Variants in ZNF83 observed in about 807,000 individuals in gnomAD.
ZNF83 encodes the protein zinc finger protein 816B.
For synonymous variants in ZNF83, 209 were observed against 213.0 expected (o/e 0.98, Z 0.17); for missense variants, 552 against 629.9 (o/e 0.88, Z 1.32).
At chr19:52,644,008 C>T (rs960844652) in intron 3 of ZNF83, among the ~76,000 whole-genome samples, 10 of 152,084 alleles carry the variant, frequency 6.6e-5, no homozygotes, top group African/African-American at 2.2e-4. Context: ...GGCTGTGGAG[C>T]CACAGTGAGG....
chr19:52,655,776 G>T, intron 2 of ZNF83: 1 of 636,668 alleles, frequency 1.6e-6, no homozygotes. Flanking sequence ...GTATTGATTT[G>T]ATCCAAGACG....
At chr19:52,687,616 G>GTATATATATATATAATATATATATATA (rs2062062340) in intron 1 of ZNF83, among the ~76,000 whole-genome samples, 1 of 15,822 alleles carries the variant, frequency 6.3e-5, no homozygotes, top group Admixed American at 6.9e-4. Flanking sequence ...TATATAATGT[G>GTATATATATATATAATATATATATATA]TATATATATA....
chr19:52,653,818 T>C (rs2061473701), intron 3 of ZNF83, among the ~76,000 whole-genome samples: 1 of 152,238 alleles, frequency 6.6e-6, no homozygotes, highest in South Asian at 2.1e-4. Flanking sequence ...ATCACATTTA[T>C]ATTGTTTCTC....
At chr19:52,634,534 TCTGTGTATGAA>T (rs746617667) in intron 2 of ZNF83, among the ~76,000 whole-genome samples, 53 of 152,314 alleles carry the variant, frequency 3.5e-4, no homozygotes, top group Non-Finnish European at 6.5e-4. Context: ...ATCATGCATG[TCTGTGTATGAA>T]CTTTCCATTC....
intron 1 of ZNF83, chr19:52,636,433 A>G (rs955884290): frequency 1.3e-5 from 2 of 152,210 alleles, no homozygotes; most frequent in South Asian, 2.1e-4. Flanking sequence ...TCACAAGTGA[A>G]TAAGTCACTC....
chr19:52,642,621 T>G (rs865830280), upstream of ZNF83, among the ~76,000 whole-genome samples: 7 of 152,310 alleles, frequency 4.6e-5, no homozygotes, highest in African/African-American at 1.7e-4. Context: ...TCTCTTTGGC[T>G]TAGTAATTTT....
upstream of ZNF83, among the ~76,000 whole-genome samples, chr19:52,638,800 C>G (rs1489790017): frequency 2.0e-5 from 3 of 152,262 alleles, no homozygotes; most frequent in East Asian, 5.8e-4. Context: ...GTGCTCAGGC[C>G]AAGGATGGGT....
At chr19:52,665,351 C>A (rs2147291935) in intron 1 of ZNF83, among the ~76,000 whole-genome samples, 1 of 152,126 alleles carries the variant, frequency 6.6e-6, no homozygotes, top group African/African-American at 2.4e-5. Flanking sequence ...GAAGTCCAGG[C>A]CAGCCTGGGC....
intron 2 of ZNF83, among the ~76,000 whole-genome samples, chr19:52,624,103 C>T (rs899057689): frequency 6.6e-6 from 1 of 152,046 alleles, no homozygotes; most frequent in Non-Finnish European, 1.5e-5. Context: ...GCAAGGCTTC[C>T]GGGATAGCCC....
intron 1 of ZNF83, among the ~76,000 whole-genome samples, chr19:52,674,453 C>T (rs1006880190): frequency 6.6e-6 from 1 of 152,130 alleles, no homozygotes; most frequent in Non-Finnish European, 1.5e-5. Flanking sequence ...AGAAATCAAA[C>T]TCATCCAAAT....
At chr19:52,622,900 T>TA (rs1402407309) in intron 2 of ZNF83, among the ~76,000 whole-genome samples, 1 of 152,224 alleles carries the variant, frequency 6.6e-6, no homozygotes, top group Non-Finnish European at 1.5e-5. Flanking sequence ...ATTTCTGAGT[T>TA]ACAATTACTT....
intron 2 of ZNF83, among the ~76,000 whole-genome samples, chr19:52,615,185 A>G (rs991378946): frequency 6.6e-6 from 1 of 152,228 alleles, no homozygotes. Context: ...TTATTGACTA[A>G]GGTCAGAGAA....
chr19:52,623,318 T>A (rs634201), intron 2 of ZNF83, among the ~76,000 whole-genome samples: 28,381 of 152,048 alleles, frequency 0.19, 2,749 homozygotes, highest in Middle Eastern at 0.24. Context: ...CCCTGTTTAA[T>A]TGATACAGGG....
At chr19:52,654,794 C>T (rs2061485769) in intron 3 of ZNF83, 1 of 155,184 alleles carries the variant, frequency 6.4e-6, no homozygotes, top group African/African-American at 2.4e-5. Flanking sequence ...GGAATTTCTA[C>T]AGCAGTGACT....
chr19:52,639,464 C>A (rs140812360), upstream of ZNF83, among the ~76,000 whole-genome samples: 1,397 of 82,620 alleles, frequency 0.017, 7 homozygotes, highest in South Asian at 0.039. Context: ...TTTGGCCAGG[C>A]TGGAATGCGG....
Position 52,613,953 on chromosome 19 carries a change from A to G in ZNF83, c.612T>C (p.Pro204=), listed in dbSNP as rs553761279. 1.1e-3 allele frequency: 1,724 copies of G among 1,613,042 alleles called. 34 individuals are homozygous for G. The South Asian group carries it at 0.018, about 17-fold the overall frequency. ...CCTTTCCACATTCATTACATTTATAAGGTTTCTCTCCGGTATGAATTCTTT... is the reference window on the plus strand; with the variant it reads ...CCTTTCCACATTCATTACATTTATAGGGTTTCTCTCCGGTATGAATTCTTT... Residue 204 remains proline, a synonymous_variant, in exon 3 of 3, where the codon CCT becomes CCC. Coordinates refer to ENST00000301096, the Ensembl canonical transcript of ZNF83.
chr19:52,618,820 A>T (rs1054846075), intron 2 of ZNF83: 1 of 1,445,566 alleles, frequency 6.9e-7, no homozygotes. Context: ...TTTTCATTTC[A>T]AAATCAATAC....
rs2061435256 is a variant in ZNF83, at chr19:52,651,045, A to G, written c.-74+4516T>C. The G allele has an allele frequency of 2.0e-5, 3 of 152,240 alleles. No homozygotes were observed. In the South Asian group the frequency reaches 6.2e-4, roughly 31 times the overall value. 9.4% of individuals were successfully genotyped at this position (152,240 alleles called of 1,614,324 possible). On this transcript the variant is annotated intron_variant, in intron 3 of 5. Coordinates refer to the ZNF83 transcript ENST00000594682. ...TTGAGAGCCTTATCTGAGATGGGCT[A>G]CTTGAACTGTGCATGTCTCCCTATA...
At chr19:52,671,471 C>T (rs984968711) in intron 1 of ZNF83, among the ~76,000 whole-genome samples, 1 of 151,672 alleles carries the variant, frequency 6.6e-6, no homozygotes, top group East Asian at 1.9e-4. Context: ...TCAGACAGGA[C>T]CTAGTTCTGT....
Sources: gnomAD v4.1 joint callset for allele counts (sites outside exome capture counted in the v4.1 genomes callset) on GRCh38, gnomAD v4.1.1 for gene constraint, MANE v1.5 for transcripts, NCBI Gene and HGNC (gene_info 2026-07-23, HGNC 2026-07-21) for gene names.